Variants in KLHL1 observed in about 807,000 individuals in gnomAD.
KLHL1 encodes the protein kelch-like protein 1.
KLHL1 carries 47 observed loss-of-function variants against 77.7 expected under a neutral mutation model. That is an observed-to-expected ratio of 0.60 (90% CI 0.48 to 0.77). The LOEUF (loss-of-function observed/expected upper bound fraction) is 0.77. Among genes scored for constraint, KLHL1 ranks in the 30% least tolerant of loss-of-function variants. The probability of loss-of-function intolerance (pLI) is 0.00; values close to 1 mark genes in which losing one functional copy is unlikely to be tolerated. For synonymous variants in KLHL1, 360 were observed against 325.2 expected (o/e 1.11, Z -1.15); for missense variants, 925 against 910.8 (o/e 1.02, Z -0.20).
chr13:69,930,570 T>C (rs377724584), intron 4 of KLHL1, among the ~76,000 whole-genome samples: 34 of 151,992 alleles, frequency 2.2e-4, no homozygotes, highest in African/African-American at 7.9e-4. Context: ...ACTATATCAA[T>C]GCATCCTCAA....
intron 1 of KLHL1, among the ~76,000 whole-genome samples, chr13:70,098,131 T>G (rs1217976874): frequency 6.6e-6 from 1 of 151,792 alleles, no homozygotes; most frequent in African/African-American, 2.4e-5. Context: ...TACTATGACA[T>G]TGCTAGCTCA....
chr13:69,837,691 C>CATAT (rs1293679649), intron 6 of KLHL1, among the ~76,000 whole-genome samples: 2 of 138,212 alleles, frequency 1.4e-5, no homozygotes, highest in African/African-American at 2.8e-5. Flanking sequence ...TATATATACA[C>CATAT]ATATATATAT....
chr13:69,709,744 GA>G (rs1262453912), intron 9 of KLHL1, among the ~76,000 whole-genome samples: 1 of 151,986 alleles, frequency 6.6e-6, no homozygotes, highest in African/African-American at 2.4e-5. Context: ...AAACTTTAGG[GA>G]AAAAAGGAAG....
At chr13:70,094,753 T>C (rs1325159575) in intron 1 of KLHL1, among the ~76,000 whole-genome samples, 2 of 152,162 alleles carry the variant, frequency 1.3e-5, no homozygotes, top group Admixed American at 6.6e-5. Context: ...AGACATTCTA[T>C]TGATACCCAT....
intron 2 of KLHL1, among the ~76,000 whole-genome samples, chr13:69,971,676 T>C (rs1264802991): frequency 6.6e-6 from 1 of 152,048 alleles, no homozygotes. Context: ...TATTTGACTA[T>C]GTCTTGACTT....
intron 1 of KLHL1, among the ~76,000 whole-genome samples, chr13:70,022,546 GA>G (rs1186190274): frequency 6.6e-6 from 1 of 151,398 alleles, no homozygotes; most frequent in Non-Finnish European, 1.5e-5. Flanking sequence ...GGAATATTAT[GA>G]AAAAATATAA....
At chr13:69,967,011 T>C (rs761470952) in intron 2 of KLHL1, among the ~76,000 whole-genome samples, 1 of 152,192 alleles carries the variant, frequency 6.6e-6, no homozygotes, top group African/African-American at 2.4e-5. Flanking sequence ...CACTCATCAA[T>C]TGATGAACAA....
chr13:69,984,612 C>G lies in KLHL1; in HGVS notation c.498-8810G>C, dbSNP rs1345229180. Among the ~76,000 whole-genome samples, 15 of 152,278 alleles carry G rather than the reference C, an allele frequency of 9.9e-5. 1 individual carries two copies. In the South Asian group the frequency reaches 2.3e-3, roughly 23 times the overall value. On this transcript the variant is annotated intron_variant, in intron 1 of 10. Coordinates refer to ENST00000377844, the MANE Select transcript of KLHL1 (RefSeq NM_020866.3). ...GCTAGTCTGTAAAACCCGTGCATTT[C>G]CCAGGGGACTGGAAAACCCACTTGG... is the stretch of plus-strand genomic sequence containing the variant.
At chr13:70,022,969 A>C (rs1885841294) in intron 1 of KLHL1, among the ~76,000 whole-genome samples, 1 of 151,958 alleles carries the variant, frequency 6.6e-6, no homozygotes, top group Non-Finnish European at 1.5e-5. Flanking sequence ...TTTATGTTGA[A>C]GTTTCGATCA....
chr13:69,754,973 A>G (rs986527799), intron 7 of KLHL1, among the ~76,000 whole-genome samples: 2 of 152,010 alleles, frequency 1.3e-5, no homozygotes, highest in African/African-American at 4.8e-5. Flanking sequence ...TGCATCTATG[A>G]CCCTGCAATA....
intron 4 of KLHL1, among the ~76,000 whole-genome samples, chr13:69,936,418 G>A (rs554475286): frequency 5.1e-4 from 63 of 124,268 alleles, no homozygotes; most frequent in Non-Finnish European, 1.1e-3. Flanking sequence ...GTGAAACCTC[G>A]TCTCTACTAA....
intron 1 of KLHL1, among the ~76,000 whole-genome samples, chr13:70,103,311 A>G (rs891371877): frequency 6.6e-6 from 1 of 152,188 alleles, no homozygotes; most frequent in Admixed American, 6.5e-5. Context: ...AATGGCCTAC[A>G]TAGCAGACAA....
intron 4 of KLHL1, among the ~76,000 whole-genome samples, chr13:69,900,917 T>C (rs575564052): frequency 6.6e-6 from 1 of 152,310 alleles, no homozygotes; most frequent in African/African-American, 2.4e-5. Context: ...CCTCCTTTCC[T>C]GTTCCCCCTC....
chr13:69,975,878 A>C, intron 1 of KLHL1, 76 bp from the exon 2 acceptor site: 3 of 1,418,322 alleles, frequency 2.1e-6, no homozygotes, highest in Non-Finnish European at 1.8e-6. Flanking sequence ...CTAGAATAAC[A>C]TACAGGTTTT....
At chr13:69,884,222 T>G (rs1881109580) in intron 4 of KLHL1, among the ~76,000 whole-genome samples, 1 of 152,168 alleles carries the variant, frequency 6.6e-6, no homozygotes, top group Admixed American at 6.6e-5. Flanking sequence ...TTTACATTAA[T>G]TGTATAATAA....
Position 70,044,947 on chromosome 13 carries a change from G to T in KLHL1, c.497+62256C>A, listed in dbSNP as rs1886460094. On this transcript the variant is annotated intron_variant, in intron 1 of 10. Transcript: ENST00000377844. ...TGACTATGACTCACAGAATAACCTT[G>T]GGAAAGTCATTTAACCTTCTATGAC... 4.6e-5 allele frequency among the ~76,000 whole-genome samples: 7 copies of T among 152,070 alleles called. No individual in the cohort carries two copies. The South Asian group carries it at 1.4e-3, about 31-fold the overall frequency.
At chr13:69,897,222 C>A (rs1437084058) in intron 4 of KLHL1, among the ~76,000 whole-genome samples, 1 of 152,188 alleles carries the variant, frequency 6.6e-6, no homozygotes, top group East Asian at 1.9e-4. Context: ...GACTCCCTGG[C>A]CAAACTTAAT....
chr13:69,815,479 C>T (rs913824786), intron 6 of KLHL1, among the ~76,000 whole-genome samples: 3 of 152,184 alleles, frequency 2.0e-5, no homozygotes, highest in Admixed American at 1.3e-4. Context: ...CACATGTTCT[C>T]GCTTATATGT....
Position 69,886,765 on chromosome 13 carries a change from A to T in KLHL1, c.1015-4270T>A, listed in dbSNP as rs550964810. ...GGTTAACTCAAGAAATCTCTCTCTC[A>T]TGGAAGTCTACTGAGTTAAGACTTA... On this transcript the variant is annotated intron_variant, in intron 4 of 10. Coordinates refer to ENST00000377844, the MANE Select transcript of KLHL1 (RefSeq NM_020866.3). Among the ~76,000 whole-genome samples, 5 of 152,288 alleles carry T rather than the reference A, an allele frequency of 3.3e-5. No individual in the cohort carries two copies. In the East Asian group the frequency reaches 9.6e-4, roughly 29 times the overall value.
Sources: gnomAD v4.1 joint callset for allele counts (sites outside exome capture counted in the v4.1 genomes callset) on GRCh38, gnomAD v4.1.1 for gene constraint, MANE v1.5 for transcripts, NCBI Gene and HGNC (gene_info 2026-07-23, HGNC 2026-07-21) for gene names.